The following SIK3 variants were observed in gnomAD, a reference collection of about 807,000 sequenced individuals.
SIK3 encodes serine/threonine-protein kinase SIK3.
SIK3 carries 28 observed loss-of-function variants against 144.2 expected under a neutral mutation model. The ratio of observed to expected loss-of-function variants is 0.19; its 90% CI spans 0.14 to 0.27. SIK3 has a LOEUF of 0.27. Ranked by LOEUF, SIK3 falls within the 10% of genes least tolerant of loss-of-function variation. The pLI, the probability that SIK3 is intolerant of heterozygous loss-of-function variation, is 1.00. For missense variants in SIK3, 1,319 were observed against 1,776.0 expected (o/e 0.74, Z 4.62); for synonymous variants, 686 against 676.3 (o/e 1.01, Z -0.22).
At chr11:116,860,680 T>C (rs1484105994) in intron 19 of SIK3, among the ~76,000 whole-genome samples, 1 of 152,242 alleles carries the variant, frequency 6.6e-6, no homozygotes, top group African/African-American at 2.4e-5. Context: ...TATATCTACA[T>C]ACTGTACCAT....
intron 14 of SIK3, 47 bp downstream of exon 14, chr11:116,870,284 G>A: frequency 1.2e-6 from 2 of 1,611,908 alleles, no homozygotes; most frequent in Non-Finnish European, 8.5e-7. Context: ...TGGTTGCAGG[G>A]GAGCCTGCCC....
chr11:117,070,834 C>T (rs1954242556), intron 1 of SIK3, among the ~76,000 whole-genome samples: 1 of 148,866 alleles, frequency 6.7e-6, no homozygotes, highest in Admixed American at 6.8e-5. Context: ...CTCACCACAA[C>T]CTCCGCCTCC....
chr11:116,943,502 C>T (rs993587814), intron 3 of SIK3, among the ~76,000 whole-genome samples: 18 of 152,198 alleles, frequency 1.2e-4, no homozygotes, highest in African/African-American at 4.3e-4. Context: ...AAGGTCTCCA[C>T]TAACAATACT....
At chr11:116,975,510 A>C (rs1180289205) in intron 1 of SIK3, among the ~76,000 whole-genome samples, 3 of 152,188 alleles carry the variant, frequency 2.0e-5, no homozygotes, top group Non-Finnish European at 2.9e-5. Flanking sequence ...AATGTTTTCA[A>C]GGGGCATTCA....
chr11:116,881,970 G>A (rs1287857451), intron 6 of SIK3, among the ~76,000 whole-genome samples: 1 of 152,136 alleles, frequency 6.6e-6, no homozygotes, highest in African/African-American at 2.4e-5. Context: ...ACAAATTCTG[G>A]TCAGTCTTAC....
intron 1 of SIK3, among the ~76,000 whole-genome samples, chr11:117,053,785 C>T (rs1364856562): frequency 1.3e-5 from 2 of 151,984 alleles, no homozygotes; most frequent in African/African-American, 4.8e-5. Flanking sequence ...TAGCTGAAAC[C>T]ACAGGCATGT....
intron 1 of SIK3, among the ~76,000 whole-genome samples, chr11:117,095,191 TTAA>T (rs1340118727): frequency 5.2e-4 from 40 of 77,222 alleles, no homozygotes; most frequent in African/African-American, 2.3e-3. Context: ...TCATGTGTGT[TTAA>T]AAAAAAAAAA....
At chr11:117,022,458 T>C (rs1238859387) in intron 1 of SIK3, among the ~76,000 whole-genome samples, 1 of 152,200 alleles carries the variant, frequency 6.6e-6, no homozygotes, top group African/African-American at 2.4e-5. Flanking sequence ...ACATATTCTT[T>C]CCTTTGGTCT....
intron 21 of SIK3, among the ~76,000 whole-genome samples, chr11:116,856,120 A>AC (rs1408565934): frequency 2.0e-5 from 3 of 149,052 alleles, no homozygotes; most frequent in African/African-American, 7.4e-5. Flanking sequence ...TGGCGTGAGC[A>AC]TTGTAGGCAG....
chr11:116,859,004 T>C (rs2134401563), intron 20 of SIK3, among the ~76,000 whole-genome samples: 1 of 152,346 alleles, frequency 6.6e-6, no homozygotes, highest in South Asian at 2.1e-4. Context: ...CATTTTCTTC[T>C]TTGCAAGCAA....
At chr11:117,007,103 C>A (rs1222522966) in intron 1 of SIK3, among the ~76,000 whole-genome samples, 1 of 152,198 alleles carries the variant, frequency 6.6e-6, no homozygotes, top group African/African-American at 2.4e-5. Flanking sequence ...ATCGGCTGGG[C>A]ACAGTGGCTC....
At chr11:117,065,156 A>C (rs1046635996) in intron 1 of SIK3, among the ~76,000 whole-genome samples, 7 of 150,106 alleles carry the variant, frequency 4.7e-5, no homozygotes, top group African/African-American at 1.7e-4. Context: ...CTCAAAAATA[A>C]TAATAATAAT....
At chr11:116,975,162 GCTTT>G in intron 1 of SIK3, among the ~76,000 whole-genome samples, 1 of 150,884 alleles carries the variant, frequency 6.6e-6, no homozygotes, top group South Asian at 2.1e-4. Flanking sequence ...GAATTTCCCT[GCTTT>G]CTTTGTATTC....
intron 21 of SIK3, chr11:116,857,313 A>G (rs509712): frequency 0.14 from 22,157 of 161,896 alleles, 4,169 homozygotes; most frequent in African/African-American, 0.44. Context: ...CCACAGATAC[A>G]CCGTAAGATA....
intron 9 of SIK3, 32 bp from the exon 10 acceptor site, chr11:116,875,483 C>A: frequency 1.3e-6 from 2 of 1,594,416 alleles, no homozygotes; most frequent in South Asian, 1.1e-5. Flanking sequence ...TACACGCATA[C>A]CTTTAACACT....
At chr11:116,971,963 C>T (rs1011245597) in intron 1 of SIK3, among the ~76,000 whole-genome samples, 3 of 152,156 alleles carry the variant, frequency 2.0e-5, no homozygotes, top group African/African-American at 7.2e-5. Context: ...TGGCACGCGC[C>T]TGTAATCCCA....
At chr11:116,911,446 G>A (rs550661531) in intron 4 of SIK3, among the ~76,000 whole-genome samples, 2 of 152,254 alleles carry the variant, frequency 1.3e-5, no homozygotes, top group East Asian at 3.9e-4. Context: ...GGCGGAGGCT[G>A]CAGTGACCCG....
intron 2 of SIK3, among the ~76,000 whole-genome samples, chr11:116,956,152 T>G (rs1346072225): frequency 6.6e-6 from 1 of 152,082 alleles, no homozygotes; most frequent in Non-Finnish European, 1.5e-5. Flanking sequence ...GCCAACACAT[T>G]GCAATTTGAG....
intron 1 of SIK3, among the ~76,000 whole-genome samples, chr11:117,013,904 GGGGGGGGGA>G (rs1320210042): frequency 1.6e-5 from 1 of 62,474 alleles, no homozygotes; most frequent in East Asian, 3.8e-4. Flanking sequence ...TTCTGAGGGG[GGGGGGGGGA>G]GGGTGTGTGT....
Sources: gnomAD v4.1 joint callset for allele counts (sites outside exome capture counted in the v4.1 genomes callset) on GRCh38, gnomAD v4.1.1 for gene constraint, MANE v1.5 for transcripts, NCBI Gene and HGNC (gene_info 2026-07-23, HGNC 2026-07-21) for gene names.